DYNC1I2: variants seen among roughly 807,000 people sequenced by gnomAD.
The protein encoded by DYNC1I2 is dynein cytoplasmic 1 intermediate chain 2.
DYNC1I2 carries 53 observed loss-of-function variants against 88.6 expected under a neutral mutation model. That is an observed-to-expected ratio of 0.60 (90% confidence interval 0.48 to 0.75). The LOEUF (loss-of-function observed/expected upper bound fraction) is 0.75, where lower values mean the gene tolerates loss of function less well. DYNC1I2 is among the 30% of genes least tolerant of loss of function. The pLI is 0.00. For missense variants in DYNC1I2, 458 were observed against 766.6 expected (o/e 0.60, Z 4.75); for synonymous variants, 198 against 254.6 (o/e 0.78, Z 2.12).
chr2:171,731,518 C>T (rs571393818), intron 15 of DYNC1I2, among the ~76,000 whole-genome samples: 6 of 152,138 alleles, frequency 3.9e-5, no homozygotes, highest in Admixed American at 6.5e-5. Flanking sequence ...TTTAGGAGGC[C>T]GAGGCAGAAG....
At chr2:171,699,132 C>A (rs916041895) in intron 3 of DYNC1I2, among the ~76,000 whole-genome samples, 4 of 152,132 alleles carry the variant, frequency 2.6e-5, no homozygotes, top group African/African-American at 9.7e-5. Flanking sequence ...AATGGTGAAA[C>A]CCCGTCTCTA....
chr2:171,710,755 T>C lies in DYNC1I2; in HGVS notation c.336-2012T>C, dbSNP rs1321455432. On this transcript the variant is annotated intron_variant, in intron 5 of 17. Transcript: ENST00000397119. ...TCTTGCTCTGTTGTCCGGGCTGGGGTGCAATGGCGTGATCTCGGCTCACTT... is the reference window on the plus strand; with the variant it reads ...TCTTGCTCTGTTGTCCGGGCTGGGGCGCAATGGCGTGATCTCGGCTCACTT... Among the ~76,000 whole-genome samples the C allele has an allele frequency of 2.7e-5, 4 of 149,938 alleles. No individual in the cohort carries two copies. In the Admixed American group the frequency reaches 2.7e-4, roughly 10 times the overall value.
intron 5 of DYNC1I2, chr2:171,712,525 T>C (rs1687195517): frequency 5.0e-6 from 2 of 403,048 alleles, no homozygotes; most frequent in Admixed American, 8.1e-5. Flanking sequence ...TAATGTCTTT[T>C]AACTATTCTG....
intron 15 of DYNC1I2, among the ~76,000 whole-genome samples, chr2:171,737,925 C>A (rs1689127465): frequency 2.0e-5 from 3 of 151,698 alleles, no homozygotes; most frequent in Admixed American, 2.0e-4. Context: ...AGCCTAGTAA[C>A]CATTTCCTGA....
chr2:171,710,869 CTT>C (rs369943455), intron 5 of DYNC1I2, among the ~76,000 whole-genome samples: 249 of 143,006 alleles, frequency 1.7e-3, no homozygotes, highest in African/African-American at 6.0e-3. Context: ...TACCCAGCTA[CTT>C]TTTTTTTTTT....
intron 15 of DYNC1I2, among the ~76,000 whole-genome samples, chr2:171,734,820 G>A (rs1688896071): frequency 6.6e-6 from 1 of 152,164 alleles, no homozygotes; most frequent in Non-Finnish European, 1.5e-5. Context: ...TTTCTGCCCT[G>A]CTGAAAAACT....
At chr2:171,709,429 T>C (rs1203415882) in intron 5 of DYNC1I2, among the ~76,000 whole-genome samples, 2 of 152,200 alleles carry the variant, frequency 1.3e-5, no homozygotes, top group Non-Finnish European at 2.9e-5. Flanking sequence ...TAAAATACTA[T>C]GGTTTACCAC....
At chr2:171,715,524 G>T in intron 7 of DYNC1I2, 81 bp downstream of exon 7, 3 of 994,440 alleles carry the variant, frequency 3.0e-6, no homozygotes, top group South Asian at 1.9e-5. Flanking sequence ...TTTGATTTTT[G>T]TTTTGTTTCT....
chr2:171,712,883 A>T, intron 6 of DYNC1I2, 57 bp downstream of exon 6: 1 of 1,443,630 alleles, frequency 6.9e-7, no homozygotes, highest in African/African-American at 1.4e-5. Context: ...TCTTTGTGAA[A>T]CTGTCCTAAT....
At chr2:171,737,231 A>G (rs1678771811) in intron 15 of DYNC1I2, among the ~76,000 whole-genome samples, 1 of 151,618 alleles carries the variant, frequency 6.6e-6, no homozygotes. Context: ...TTGTGTCCGA[A>G]TTTTTCTCTT....
intron 17 of DYNC1I2, among the ~76,000 whole-genome samples, chr2:171,747,333 AG>A (rs1689866137): frequency 1.3e-5 from 2 of 151,626 alleles, no homozygotes; most frequent in African/African-American, 4.8e-5. Context: ...GAAGGAGTTA[AG>A]GTATCAAGAA....
At chr2:171,733,936 C>T (rs1220607379) in intron 15 of DYNC1I2, among the ~76,000 whole-genome samples, 2 of 151,960 alleles carry the variant, frequency 1.3e-5, no homozygotes, top group Non-Finnish European at 1.5e-5. Flanking sequence ...TGGGGTTTTA[C>T]ATTTAAGTCT....
chr2:171,726,286 C>A lies in DYNC1I2; in HGVS notation c.863C>A (p.Ser288Ter). Residue 288 changes from serine to a stop codon, truncating the protein, a stop_gained, in exon 10 of 18, where the codon TCA becomes TAA. Coordinates refer to ENST00000397119, the MANE Select transcript of DYNC1I2 (RefSeq NM_001378.3). LOFTEE classifies it high-confidence loss of function. ...KHRVVSCLDW[S>*]SQYPELLVAS... ...CGGGTGGTTAGTTGTTTGGATTGGT[C>A]ATCTCAGGTAAAATATAACAAAATA... 6.2e-7 allele frequency: 1 copy of A among 1,606,924 alleles called. No individual in the cohort carries two copies. The highest frequency in any genetic ancestry group is 1.1e-5 in the South Asian group (1 of 89,606).
chr2:171,749,314 A>G lies in DYNC1I2; in HGVS notation c.*1425A>G, dbSNP rs568784160. Among the ~76,000 whole-genome samples the G allele has an allele frequency of 6.0e-4, 92 of 152,282 alleles. No individual in the cohort carries two copies. The highest frequency in any genetic ancestry group is 2.1e-3 in the African/African-American group (88 of 41,584). On this transcript the variant is annotated 3_prime_UTR_variant, in exon 18 of 18. Coordinates refer to ENST00000397119, the MANE Select transcript of DYNC1I2 (RefSeq NM_001378.3). ...CTGAATTTTCTTTCAGCTCTACTCA[A>G]TTAAGGGGTATCAGTATGTGAAATG... is the stretch of plus-strand genomic sequence containing the variant.
intron 7 of DYNC1I2, among the ~76,000 whole-genome samples, chr2:171,716,058 C>T (rs1687468819): frequency 6.6e-6 from 1 of 151,890 alleles, no homozygotes; most frequent in South Asian, 2.1e-4. Flanking sequence ...ACGATTCAAG[C>T]ATAAAGTACT....
intron 7 of DYNC1I2, 60 bp from the exon 8 acceptor site, chr2:171,725,558 A>G: frequency 9.0e-7 from 1 of 1,115,962 alleles, no homozygotes; most frequent in Non-Finnish European, 1.2e-6. Context: ...TTTCATTAAA[A>G]TAATTTATTA....
intron 7 of DYNC1I2, among the ~76,000 whole-genome samples, chr2:171,718,623 C>T (rs766022410): frequency 2.6e-5 from 4 of 151,754 alleles, no homozygotes; most frequent in East Asian, 2.0e-4. Flanking sequence ...TTAGTAGAGA[C>T]GGGATTTCAC....
In DYNC1I2 at chr2:171,710,138, C is replaced by T. The variant is rs1002748092; in HGVS notation, c.336-2629C>T. 3.5e-3 allele frequency among the ~76,000 whole-genome samples: 512 copies of T among 146,208 alleles called. 3 individuals carry two copies. Among genetic ancestry groups the T allele is most frequent in the African/African-American group, 0.012 (452 of 36,744 alleles). On this transcript the variant is annotated intron_variant, in intron 5 of 17. Coordinates refer to ENST00000397119, the MANE Select transcript of DYNC1I2 (RefSeq NM_001378.3). Reference sequence around the variant, plus strand: ...ATGTATATATACACACACACACACACACACACACACACACACACACACACA... The same window carrying T: ...ATGTATATATACACACACACACACATACACACACACACACACACACACACA...
rs201480046 is a variant in DYNC1I2 at position 171,726,190 on chromosome 2, G to A, written c.771-4G>A. On this transcript the variant is annotated splice_polypyrimidine_tract_variant and splice_region_variant and intron_variant, in intron 9 of 17. Transcript: ENST00000397119. ...TTTTTGGGGGGTTTGGTCTTTTTTT[G>A]TAGAGAGATTCAAGCAGGTGCTAAA... 2.1e-5 allele frequency: 33 copies of A among 1,604,474 alleles called. No individual in the cohort carries two copies. The East Asian group carries it at 7.2e-4, about 35-fold the overall frequency.
Sources: allele counts gnomAD v4.1 joint callset (sites outside exome capture counted in the v4.1 genomes callset), GRCh38; gene constraint gnomAD v4.1.1; transcripts MANE v1.5; gene names NCBI Gene and HGNC (gene_info 2026-07-23, HGNC 2026-07-21).